Variants in SEMA3D observed in about 807,000 individuals in gnomAD.
SEMA3D encodes semaphorin-3D.
Under a neutral mutation model 100.1 loss-of-function variants are expected in SEMA3D, and 84 were observed. That is an observed-to-expected ratio of 0.84 (90% CI 0.70 to 1.01). The LOEUF (loss-of-function observed/expected upper bound fraction) is 1.01. Among genes scored for constraint, SEMA3D ranks in the 50% least tolerant of loss-of-function variants. The pLI is 0.00. For missense variants in SEMA3D, 875 were observed against 934.1 expected, an observed-to-expected ratio of 0.94 and a Z score of 0.82; for synonymous variants, 312 against 320.7, an observed-to-expected ratio of 0.97 and a Z score of 0.29.
the SEMA3D span, among the ~76,000 whole-genome samples, chr7:85,210,318 G>C: frequency 4.6e-5 from 7 of 152,018 alleles, no homozygotes; most frequent in Non-Finnish European, 4.4e-5. Context: ...TTTTTAAAGT[G>C]AAAGGTTATT....
intron 6 of SEMA3D, among the ~76,000 whole-genome samples, chr7:85,071,580 A>G (rs1282772448): frequency 6.6e-6 from 1 of 152,236 alleles, no homozygotes; most frequent in East Asian, 1.9e-4. Context: ...ATGCAATGTC[A>G]TCATTGTGTG....
At chr7:85,020,412 A>G (rs1790222425) in intron 13 of SEMA3D, 91 bp from the exon 14 acceptor site, 1 of 817,930 alleles carries the variant, frequency 1.2e-6, no homozygotes. Context: ...CATTCCCCTC[A>G]CTTCTCTTTA....
intron 1 of SEMA3D, among the ~76,000 whole-genome samples, chr7:85,157,917 C>T (rs933608891): frequency 1.7e-4 from 26 of 152,136 alleles, no homozygotes; most frequent in South Asian, 4.1e-4. Flanking sequence ...TAATTTCTTA[C>T]GCTTGTCTTT....
At chr7:85,229,956 A>G in the SEMA3D span, among the ~76,000 whole-genome samples, 3 of 152,196 alleles carry the variant, frequency 2.0e-5, no homozygotes, top group Non-Finnish European at 4.4e-5. Context: ...TGCTTTAAAT[A>G]AAACTAAGTT....
At chr7:85,159,305 T>A (rs1174511119) in intron 1 of SEMA3D, among the ~76,000 whole-genome samples, 1 of 152,174 alleles carries the variant, frequency 6.6e-6, no homozygotes, top group Non-Finnish European at 1.5e-5. Context: ...GGATTAATCA[T>A]GAAAACACTC....
the SEMA3D span, among the ~76,000 whole-genome samples, chr7:85,219,115 C>A: frequency 6.6e-6 from 1 of 152,076 alleles, no homozygotes; most frequent in Non-Finnish European, 1.5e-5. Context: ...GGGTGTACAG[C>A]TTAGATTTCC....
rs1562775620 is a variant in SEMA3D, at chr7:84,996,875, GTGTT to G, written c.*2561_*2564del. The G allele has an allele frequency of 6.6e-6, 1 of 151,886 alleles. No individual in the cohort carries two copies. Among genetic ancestry groups the G allele is most frequent in the African/African-American group, 2.4e-5 (1 of 41,400 alleles). The allele number at this position is 151,886 out of a possible 1,614,324, so 9.4% of individuals were successfully genotyped here. Reference sequence around the variant, plus strand: ...AGTCAGTGGTGAGGAAGTATATAGTGTGTTTGTGGATTTAATATATTCATACTCT... The same window carrying G: ...AGTCAGTGGTGAGGAAGTATATAGTGTGTGGATTTAATATATTCATACTCT... On this transcript the variant is annotated 3_prime_UTR_variant, in exon 19 of 19. Transcript: ENST00000284136.
intron 5 of SEMA3D, among the ~76,000 whole-genome samples, chr7:85,076,030 G>A (rs552064849): frequency 1.4e-4 from 22 of 152,304 alleles, no homozygotes; most frequent in African/African-American, 4.8e-4. Flanking sequence ...GTGTAATTCT[G>A]TGAGGCACGA....
chr7:85,006,902 C>G lies in SEMA3D; in HGVS notation c.1808G>C (p.Gly603Ala). 2 of 1,609,936 alleles carry G rather than the reference C, an allele frequency of 1.2e-6. No individual in the cohort carries two copies. The highest frequency in any genetic ancestry group is 1.3e-5 in the African/African-American group (1 of 74,710). ...CAGAAAGGTTGAGTTAAATTCAATG[C>G]CAAAAATCACCTTTTCATCAGCAGT... ...HETADEKVIF[G>A]IEFNSTFLEC... The change falls in exon 18 of 19, where the codon GGC (glycine) becomes GCC (alanine). Residue 603 changes from glycine to alanine, a missense_variant. Transcript: ENST00000284136.
chr7:85,077,761 G>C (rs1787918825), intron 5 of SEMA3D, among the ~76,000 whole-genome samples: 1 of 152,046 alleles, frequency 6.6e-6, no homozygotes, highest in South Asian at 2.1e-4. Context: ...CATACTGCTG[G>C]TAAGAGCATA....
chr7:85,201,724 A>C, the SEMA3D span, among the ~76,000 whole-genome samples: 1 of 151,390 alleles, frequency 6.6e-6, no homozygotes, highest in African/African-American at 2.4e-5. Flanking sequence ...TTATTTATCT[A>C]TTTATTTTTT....
intron 2 of SEMA3D, among the ~76,000 whole-genome samples, chr7:85,129,622 A>G (rs1024212696): frequency 6.6e-6 from 1 of 152,252 alleles, no homozygotes; most frequent in Non-Finnish European, 1.5e-5. Flanking sequence ...TCCTACACTA[A>G]GACTAAATGA....
chr7:85,133,480 C>T (rs1047828540), intron 2 of SEMA3D, among the ~76,000 whole-genome samples: 5 of 151,922 alleles, frequency 3.3e-5, no homozygotes, highest in African/African-American at 9.7e-5. Flanking sequence ...AAAGCTAGCA[C>T]GATGTTCTAA....
intron 8 of SEMA3D, 65 bp downstream of exon 8, chr7:85,065,359 T>C (rs1177033320): frequency 7.1e-7 from 1 of 1,406,608 alleles, no homozygotes; most frequent in Non-Finnish European, 9.9e-7. Flanking sequence ...TGAATAATAA[T>C]ACACTTCTTA....
At chr7:85,039,872 A>G (rs4141131) in intron 11 of SEMA3D, among the ~76,000 whole-genome samples, 1 of 152,100 alleles carries the variant, frequency 6.6e-6, no homozygotes, top group Non-Finnish European at 1.5e-5. Flanking sequence ...TAGCCTTACC[A>G]ATGAACTTAA....
At chr7:85,019,378 C>A (rs1311919440) in intron 14 of SEMA3D, among the ~76,000 whole-genome samples, 2 of 151,586 alleles carry the variant, frequency 1.3e-5, no homozygotes, top group African/African-American at 4.8e-5. Flanking sequence ...TTGGTAGACA[C>A]CAGATAGCAG....
intron 1 of SEMA3D, among the ~76,000 whole-genome samples, chr7:85,165,338 A>G (rs142303969): frequency 1.8e-4 from 27 of 152,244 alleles, no homozygotes; most frequent in African/African-American, 6.5e-4. Context: ...AGAAAATTTC[A>G]CAGTAGAGAA....
At chr7:85,118,454 T>C (rs187596408) in intron 3 of SEMA3D, among the ~76,000 whole-genome samples, 87 of 152,268 alleles carry the variant, frequency 5.7e-4, no homozygotes, top group African/African-American at 2.0e-3. Context: ...GTTGAGAATA[T>C]GGTTGATTTG....
chr7:85,209,025 A>G, the SEMA3D span, among the ~76,000 whole-genome samples: 1 of 152,092 alleles, frequency 6.6e-6, no homozygotes, highest in Non-Finnish European at 1.5e-5. Flanking sequence ...GATTAAAGCT[A>G]CAACACTGCG....
Sources: allele counts gnomAD v4.1 joint callset (sites outside exome capture counted in the v4.1 genomes callset), GRCh38; gene constraint gnomAD v4.1.1; transcripts MANE v1.5; gene names NCBI Gene and HGNC (gene_info 2026-07-23, HGNC 2026-07-21).